DCDC1: variants seen among roughly 807,000 people sequenced by gnomAD.
DCDC1 encodes doublecortin domain containing 1, also known as doublecortin domain-containing protein 1.
In DCDC1, 200 loss-of-function variants were observed where a neutral mutation model predicts 178.3. The observed-to-expected ratio is 1.12, with a 90% CI of 1.00 to 1.26. The LOEUF is 1.26. DCDC1 is among the 50% of genes most tolerant of loss of function. The pLI, the probability that DCDC1 is intolerant of heterozygous loss-of-function variation, is 0.00. For missense variants in DCDC1, 1,983 were observed against 1,749.2 expected (o/e 1.13, Z -2.38); for synonymous variants, 690 against 604.8 (o/e 1.14, Z -2.07).
intron 18 of DCDC1, among the ~76,000 whole-genome samples, chr11:31,073,425 C>T (rs1057233966): frequency 4.6e-5 from 7 of 152,120 alleles, no homozygotes; most frequent in African/African-American, 1.7e-4. Flanking sequence ...CTTGATTCTG[C>T]TTTTCTATGT....
At chr11:31,328,814 A>AAAAAAAAAAAAAAGGATT (rs1242587287) in intron 2 of DCDC1, among the ~76,000 whole-genome samples, 2,125 of 149,176 alleles carry the variant, frequency 0.014, 49 homozygotes, top group African/African-American at 0.051. Context: ...ACATCTCAAA[A>AAAAAAAAAAAAAAGGATT]AAAAAAAAAA....
intron 9 of DCDC1, among the ~76,000 whole-genome samples, chr11:31,203,387 G>GTT: frequency 6.6e-6 from 1 of 152,280 alleles, no homozygotes; most frequent in Non-Finnish European, 1.5e-5. Flanking sequence ...TTTGACCAGA[G>GTT]TATCTGGAGC....
chr11:31,312,246 C>T (rs1948813567), intron 3 of DCDC1, among the ~76,000 whole-genome samples: 1 of 152,116 alleles, frequency 6.6e-6, no homozygotes, highest in South Asian at 2.1e-4. Context: ...ATAGCTAATG[C>T]CTACATAGCA....
In DCDC1 at chr11:31,283,501, T is replaced by G. The variant is rs1314298852; in HGVS notation, c.960+7146A>C. On this transcript the variant is annotated intron_variant, in intron 7 of 38. Transcript: ENST00000684477. ...GTTTTTTTTTAATACGTGAACATAT[T>G]TATAATCACTGTTTAAATGTCTTTT... 2.6e-5 allele frequency among the ~76,000 whole-genome samples: 4 copies of G among 152,110 alleles called. No homozygotes were observed. The East Asian group carries it at 7.7e-4, about 29-fold the overall frequency.
chr11:31,042,339 C>A (rs1436204697), intron 20 of DCDC1, among the ~76,000 whole-genome samples: 4 of 152,106 alleles, frequency 2.6e-5, no homozygotes, highest in African/African-American at 9.7e-5. Context: ...TTGTAATAAC[C>A]ACATATCCGA....
intron 9 of DCDC1, among the ~76,000 whole-genome samples, chr11:31,213,159 C>G (rs1268597417): frequency 8.7e-6 from 1 of 115,262 alleles, no homozygotes; most frequent in Non-Finnish European, 1.8e-5. Flanking sequence ...CTCTCTCTCT[C>G]TCTGCTTTCT....
At chr11:31,313,389 G>A (rs1280499408) in intron 3 of DCDC1, among the ~76,000 whole-genome samples, 3 of 152,052 alleles carry the variant, frequency 2.0e-5, no homozygotes, top group Non-Finnish European at 2.9e-5. Flanking sequence ...TAGGGCTGAT[G>A]AACAATACCT....
At chr11:31,220,253 T>C (rs1161884585) in intron 9 of DCDC1, among the ~76,000 whole-genome samples, 2 of 152,200 alleles carry the variant, frequency 1.3e-5, no homozygotes, top group African/African-American at 4.8e-5. Context: ...TTGAAACGTG[T>C]AATGGGCAAT....
At position 31,307,827 on chromosome 11, in the gene DCDC1, G is replaced by C. The variant is rs145256598; in HGVS notation, c.246C>G (p.Leu82=). The part of the protein sequence containing the change: ...YLQSQFGPNR[L]VHSAAVSEGS... Reference sequence around the variant, plus strand: ...CTTCTGATACTGCTGCTGAATGCACGAGTCTGTTGGGGCCAAACTGAGACT... The same window carrying C: ...CTTCTGATACTGCTGCTGAATGCACCAGTCTGTTGGGGCCAAACTGAGACT... Residue 82 remains leucine (L), a synonymous_variant, in exon 4 of 39, where the codon CTC becomes CTG. Transcript: ENST00000684477. The C allele has an allele frequency of 3.1e-6, 5 of 1,613,992 alleles. No individual in the cohort carries two copies. In the African/African-American group the frequency reaches 4.0e-5, roughly 13 times the overall value.
Position 31,307,717 on chromosome 11 carries a change from G to C in DCDC1, c.356C>G (p.Ser119Ter). The change falls in exon 4 of 39, where the codon TCA becomes TGA. Residue 119 changes from serine (S) to a stop codon, truncating the protein, a stop_gained. Transcript: ENST00000684477. LOFTEE classifies it high-confidence loss of function. ...DEISDLDSYK[S>*]NSKNNSCSIS... ...AGAACAAGAATTGTTTTTACTGTTT[G>C]ATTTGTAGCTATCTAGGTCTGATAT... 6.2e-7 allele frequency: 1 copy of C among 1,614,042 alleles called. No homozygotes were observed. Among genetic ancestry groups the C allele is most frequent in the Non-Finnish European group, 8.5e-7 (1 of 1,179,942 alleles).
chr11:31,125,967 TGA>T (rs1306974906), intron 11 of DCDC1, among the ~76,000 whole-genome samples: 2 of 151,980 alleles, frequency 1.3e-5, no homozygotes, highest in Non-Finnish European at 2.9e-5. Context: ...GGAGTATATA[TGA>T]GAGAGACAAT....
intron 10 of DCDC1, among the ~76,000 whole-genome samples, chr11:31,134,442 C>T (rs1053805108): frequency 3.3e-5 from 5 of 152,198 alleles, no homozygotes; most frequent in African/African-American, 4.8e-5. Context: ...AATCCACCAA[C>T]AGTTTTGCCA....
intron 20 of DCDC1, among the ~76,000 whole-genome samples, chr11:31,012,607 CA>C (rs780824791): frequency 0.026 from 1,929 of 74,506 alleles, 36 homozygotes; most frequent in African/African-American, 0.078. Context: ...CCTGTCTCAA[CA>C]AAAAAAAAAA....
At chr11:31,048,862 A>G (rs1038627594) in intron 20 of DCDC1, among the ~76,000 whole-genome samples, 3 of 152,290 alleles carry the variant, frequency 2.0e-5, no homozygotes, top group Admixed American at 2.0e-4. Context: ...GTCTCAAAAA[A>G]AAAAGGACTG....
chr11:31,220,603 A>C (rs1307658638), intron 9 of DCDC1, among the ~76,000 whole-genome samples: 1 of 152,212 alleles, frequency 6.6e-6, no homozygotes, highest in East Asian at 1.9e-4. Context: ...TACACTTTAT[A>C]TTTTGTATTA....
chr11:30,866,878 A>C (rs1192757280), intron 38 of DCDC1, among the ~76,000 whole-genome samples: 1 of 152,178 alleles, frequency 6.6e-6, no homozygotes, highest in African/African-American at 2.4e-5. Flanking sequence ...ATTTACCCTC[A>C]TAAATGGATT....
chr11:31,107,703 C>G (rs1430089363), intron 12 of DCDC1, among the ~76,000 whole-genome samples: 1 of 152,144 alleles, frequency 6.6e-6, no homozygotes, highest in Admixed American at 6.5e-5. Flanking sequence ...CAGAACTGTG[C>G]TGCATATGGT....
chr11:30,923,814 G>T (rs890050761), intron 23 of DCDC1, among the ~76,000 whole-genome samples: 3 of 151,716 alleles, frequency 2.0e-5, no homozygotes, highest in Non-Finnish European at 2.9e-5. Context: ...GCAGGGTTTC[G>T]CCACGTTGCT....
rs748313884 is a variant in DCDC1, at chr11:30,952,545, G to A, written c.2615C>T (p.Thr872Ile). The change falls in exon 21 of 39, where the codon ACC (threonine) becomes ATC (isoleucine). Residue 872 changes from threonine (T) to isoleucine (I), a missense_variant. Thr to Ile is a moderately conservative substitution (Grantham distance 89). Transcript: ENST00000684477. The part of the protein sequence containing the change: ...AQRWAIKHEG[T>I]SKPGQWKHSR... ...ATGTTTCCACTGGCCTGGCTTACTG[G>A]TTCCTTCATGTTTTATGGCCCACCT... 1 of 1,511,886 alleles carries A rather than the reference G, an allele frequency of 6.6e-7. No individual in the cohort carries two copies. The highest frequency in any genetic ancestry group is 9.0e-7 in the Non-Finnish European group (1 of 1,108,624). 93.7% of individuals were successfully genotyped at this position (1,511,886 alleles called of 1,614,324 possible). A position where few individuals can be genotyped will look rare whatever the true frequency, so the allele number is the denominator to read the frequency against.
Sources: gnomAD v4.1 joint callset for allele counts (sites outside exome capture counted in the v4.1 genomes callset) on GRCh38, gnomAD v4.1.1 for gene constraint, MANE v1.5 for transcripts, NCBI Gene and HGNC (gene_info 2026-07-23, HGNC 2026-07-21) for gene names.